The following APOL3 variants were observed in gnomAD, a reference collection of about 807,000 sequenced individuals.
APOL3 encodes the protein apolipoprotein L3, also known as TNF-inducible protein CG12-1.
Under a neutral mutation model 11.6 loss-of-function variants are expected in APOL3, and 14 were observed. The observed-to-expected ratio is 1.21, with a 90% confidence interval of 0.80 to 1.89. The LOEUF is 1.89. APOL3 is among the 40% of genes most tolerant of loss of function. APOL3 has a pLI of 0.00. For missense variants in APOL3, 483 were observed against 492.1 expected (o/e 0.98, Z 0.17); for synonymous variants, 192 against 190.6 (o/e 1.01, Z -0.06).
chr22:36,149,352 C>A (rs1254206410), intron 1 of APOL3: 1 of 1,306,416 alleles, frequency 7.7e-7, no homozygotes, highest in Admixed American at 2.3e-5. Context: ...ACTCTCACAC[C>A]AAGGCAGGGT....
chr22:36,149,341 C>T, intron 1 of APOL3, 199 bp from the exon 2 acceptor site: 3 of 1,306,374 alleles, frequency 2.3e-6, no homozygotes, highest in Non-Finnish European at 3.0e-6. Context: ...CCTCTGCCCT[C>T]ACTCTCACAC....
At chr22:36,156,880 G>A (rs1474856521) in intron 1 of APOL3, 1 of 451,106 alleles carries the variant, frequency 2.2e-6, no homozygotes, top group African/African-American at 2.0e-5. Context: ...CAGCCTGGCT[G>A]AAATCCGAGG....
At position 36,160,816 on chromosome 22, in the gene APOL3, T is replaced by C. The variant is rs199718248; in HGVS notation, c.76A>G (p.Thr26Ala). The C allele has an allele frequency of 5.0e-5, 80 of 1,614,078 alleles. No individual in the cohort carries two copies. In the African/African-American group the frequency reaches 9.7e-4, roughly 20 times the overall value. The change falls in exon 1 of 3, where the codon ACT (threonine) becomes GCT (alanine). Residue 26 changes from threonine to alanine, a missense_variant. Physicochemically the swap from Thr to Ala is moderately conservative, Grantham distance 58. Transcript: ENST00000349314. ...TGGAACCCAAAAGGGAAAGTGAAAG[T>C]CACAACTTGGCAGCAGCTCCTGATC...
At chr22:36,151,665 C>T (rs1480055502) in intron 1 of APOL3, among the ~76,000 whole-genome samples, 1 of 152,162 alleles carries the variant, frequency 6.6e-6, no homozygotes, top group African/African-American at 2.4e-5. Flanking sequence ...ACATAGAAAG[C>T]TACTTGAGTC....
intron 2 of APOL3, among the ~76,000 whole-genome samples, chr22:36,144,201 T>C (rs2060102952): frequency 6.6e-6 from 1 of 152,126 alleles, no homozygotes; most frequent in African/African-American, 2.4e-5. Flanking sequence ...TGCAAGTCCA[T>C]GGCCACGTTA....
chr22:36,140,988 A>T lies in APOL3; in HGVS notation c.*212T>A, dbSNP rs561194624. On this transcript the variant is annotated 3_prime_UTR_variant, in exon 3 of 3. Coordinates refer to ENST00000349314, the Ensembl canonical transcript of APOL3. The stretch of plus-strand genomic sequence containing the variant: ...ACTCTCCAGTCCCCTCTCCTCCCTT[A>T]TTCCAGGCTCCAGCATTCCTGCCTT... The T allele has an allele frequency of 3.0e-4, 195 of 646,312 alleles. 1 individual carries two copies. Among genetic ancestry groups the T allele is most frequent in the Admixed American group, 1.7e-3 (54 of 32,540 alleles). The allele number at this position is 646,312 out of a possible 1,614,324, so 40.0% of individuals were successfully genotyped here.
chr22:36,141,697 T>C, exon 3 of APOL3: 2 of 1,614,136 alleles, frequency 1.2e-6, no homozygotes, highest in Non-Finnish European at 1.7e-6. Flanking sequence ...TCCACGATGC[T>C]GGTGGTGATC....
intron 1 of APOL3, among the ~76,000 whole-genome samples, chr22:36,148,724 C>T (rs1029888654): frequency 6.6e-6 from 1 of 152,200 alleles, no homozygotes; most frequent in African/African-American, 2.4e-5. Flanking sequence ...ACCTCCTGGA[C>T]CCTGCTCTCC....
At position 36,154,453 on chromosome 22, in the gene APOL3, C is replaced by T. The variant is rs1192900042; in HGVS notation, c.223+6216G>A. 9 of 375,060 alleles carry T rather than the reference C, an allele frequency of 2.4e-5. No homozygotes were observed. In the Admixed American group the frequency reaches 2.5e-4, roughly 10 times the overall value. The allele number at this position is 375,060 out of a possible 1,614,324, so 23.2% of individuals were successfully genotyped here. On this transcript the variant is annotated intron_variant, in intron 1 of 2. Transcript: ENST00000349314. ...GGGTACTTGAAATGCAAAGACTTAT[C>T]GTAACAGAGAATGTTTAATTGTTAA...
Position 36,154,608 on chromosome 22 carries a change from C to G in APOL3, c.223+6061G>C, listed in dbSNP as rs116945994. The G allele has an allele frequency of 2.2e-4, 102 of 470,996 alleles. No individual in the cohort carries two copies. In the East Asian group the frequency reaches 6.3e-3, roughly 29 times the overall value. 29.2% of individuals were successfully genotyped at this position (470,996 alleles called of 1,614,324 possible). A position where few individuals can be genotyped will look rare whatever the true frequency, so the allele number is the denominator to read the frequency against. ...ACATTTGGAAGCTGGCGTGGACTCC[C>G]AGAAGGGCTGTGTTATTCTCCTATG... On this transcript the variant is annotated intron_variant, in intron 1 of 2. Transcript: ENST00000349314.
At chr22:36,162,379 G>A (rs2013749371), upstream of APOL3, among the ~76,000 whole-genome samples, 2 of 152,248 alleles carry the variant, frequency 1.3e-5, no homozygotes, top group African/African-American at 4.8e-5. Context: ...GTCACCCCAA[G>A]TTCATTATAC....
Position 36,149,435 on chromosome 22 carries a change from A to G in APOL3, c.224-3836T>C. 2.4e-6 allele frequency: 3 copies of G among 1,273,768 alleles called. No individual in the cohort carries two copies. In the South Asian group the frequency reaches 3.7e-5, roughly 16 times the overall value. The allele number at this position is 1,273,768 out of a possible 1,614,324, so 78.9% of individuals were successfully genotyped here. A position where few individuals can be genotyped will look rare whatever the true frequency, so the allele number is the denominator to read the frequency against. ...TGGACATCTGATAATCACAGAAACT[A>G]CAGAGTCTATACACCGAAATAGAGA... On this transcript the variant is annotated intron_variant, in intron 1 of 2. Coordinates refer to ENST00000349314, the Ensembl canonical transcript of APOL3.
chr22:36,154,431 T>C, intron 1 of APOL3: 1 of 355,280 alleles, frequency 2.8e-6, no homozygotes, highest in East Asian at 7.6e-5. Flanking sequence ...TAAAACAGGG[T>C]ACTTGAAATG....
chr22:36,148,832 G>A (rs1370090015), intron 1 of APOL3, among the ~76,000 whole-genome samples: 1 of 152,200 alleles, frequency 6.6e-6, no homozygotes, highest in African/African-American at 2.4e-5. Flanking sequence ...GTGGGCACCT[G>A]GGCCATGCTC....
upstream of APOL3, among the ~76,000 whole-genome samples, chr22:36,161,834 G>A (rs367560637): frequency 6.9e-6 from 1 of 144,046 alleles, no homozygotes; most frequent in Non-Finnish European, 1.5e-5. Flanking sequence ...AGTTTATTAG[G>A]TAAAAGAGAT....
At chr22:36,145,980 T>TCTCTCTCTCTCTCTCTCTC (rs2060191823) in intron 1 of APOL3, among the ~76,000 whole-genome samples, 1 of 118,710 alleles carries the variant, frequency 8.4e-6, no homozygotes, top group Non-Finnish European at 1.7e-5. Flanking sequence ...CTGTCTCTCT[T>TCTCTCTCTCTCTCTCTCTC]TCTCTCTCTC....
At chr22:36,151,592 G>T (rs1011139144) in intron 1 of APOL3, among the ~76,000 whole-genome samples, 1 of 151,814 alleles carries the variant, frequency 6.6e-6, no homozygotes, top group Non-Finnish European at 1.5e-5. Flanking sequence ...GACAGAAAAA[G>T]AAAAAAACAA....
chr22:36,150,713 GCACACA>G (rs138854776), intron 1 of APOL3, among the ~76,000 whole-genome samples: 23 of 150,180 alleles, frequency 1.5e-4, no homozygotes, highest in Middle Eastern at 6.9e-3. Context: ...TACTAAAAAT[GCACACA>G]CACACACACA....
intron 1 of APOL3, 65 bp downstream of exon 1, chr22:36,160,603 AC>A (rs2013608950): frequency 2.7e-5 from 42 of 1,531,602 alleles, no homozygotes; most frequent in Non-Finnish European, 3.6e-5. Context: ...AAGGTGAATG[AC>A]CCTTCTCTTA....
Sources: allele counts gnomAD v4.1 joint callset (sites outside exome capture counted in the v4.1 genomes callset), GRCh38; gene constraint gnomAD v4.1.1; transcripts MANE v1.5; gene names NCBI Gene and HGNC (gene_info 2026-07-23, HGNC 2026-07-21).